The following USP32 variants were observed in gnomAD, a reference collection of about 807,000 sequenced individuals.
USP32 encodes the protein ubiquitin specific peptidase 32, also known as ubiquitin carboxyl-terminal hydrolase 32.
Under a neutral mutation model 204.8 loss-of-function variants are expected in USP32, and 59 were observed. The ratio of observed to expected loss-of-function variants is 0.29; its 90% CI spans 0.23 to 0.36. The LOEUF (loss-of-function observed/expected upper bound fraction) is 0.36, where lower values mean the gene tolerates loss of function less well. Ranked by LOEUF, USP32 falls within the 10% of genes least tolerant of loss-of-function variation. The pLI, the probability that USP32 is intolerant of heterozygous loss-of-function variation, is 1.00. For missense variants in USP32, 1,160 were observed against 1,946.4 expected, an observed-to-expected ratio of 0.60 and a Z score of 7.60; for synonymous variants, 517 against 678.4, an observed-to-expected ratio of 0.76 and a Z score of 3.70.
At chr17:60,334,395 T>A (rs1438270970) in intron 2 of USP32, among the ~76,000 whole-genome samples, 1 of 152,282 alleles carries the variant, frequency 6.6e-6, no homozygotes, top group Non-Finnish European at 1.5e-5. Flanking sequence ...TCACAACATA[T>A]CTCTCTCAAT....
chr17:60,321,878 T>C (rs1048985491), intron 2 of USP32, among the ~76,000 whole-genome samples: 3 of 152,144 alleles, frequency 2.0e-5, no homozygotes, highest in Non-Finnish European at 4.4e-5. Flanking sequence ...TGGCTTTTTT[T>C]TTTTTTTAGC....
At chr17:60,357,312 G>T (rs7223100) in intron 1 of USP32, among the ~76,000 whole-genome samples, 1 of 151,570 alleles carries the variant, frequency 6.6e-6, no homozygotes, top group Non-Finnish European at 1.5e-5. Flanking sequence ...AATTAGGCAG[G>T]CATGGTGATA....
intron 1 of USP32, among the ~76,000 whole-genome samples, chr17:60,400,013 G>A (rs765950688): frequency 3.9e-5 from 6 of 152,052 alleles, no homozygotes; most frequent in Non-Finnish European, 8.8e-5. Context: ...TGTTGACCCT[G>A]GAGTGCAGTA....
intron 12 of USP32, among the ~76,000 whole-genome samples, chr17:60,228,649 C>G (rs1368430278): frequency 6.6e-6 from 1 of 150,710 alleles, no homozygotes; most frequent in Non-Finnish European, 1.5e-5. Flanking sequence ...TAGATCCCGT[C>G]TTTACAAAAA....
chr17:60,418,937 A>G (rs1468792798), intron 1 of USP32, among the ~76,000 whole-genome samples: 3 of 152,246 alleles, frequency 2.0e-5, no homozygotes, highest in Non-Finnish European at 4.4e-5. Context: ...TAGTTCAACC[A>G]TAGCGGAAAG....
At chr17:60,284,357 G>A (rs1356913061) in intron 5 of USP32, among the ~76,000 whole-genome samples, 1 of 151,696 alleles carries the variant, frequency 6.6e-6, no homozygotes, top group African/African-American at 2.4e-5. Context: ...GGGACTACAG[G>A]GGTCTGCCAC....
In USP32 at chr17:60,264,063, A is replaced by G. The variant is rs528203713; in HGVS notation, c.990+1349T>C. ...CATAGACATCATAGTAATGCAAGCT[A>G]TAGGAGTAAATCTATTATGATAACA... is the stretch of plus-strand genomic sequence containing the variant. On this transcript the variant is annotated intron_variant, in intron 9 of 33. Transcript: ENST00000300896. 2.0e-5 allele frequency among the ~76,000 whole-genome samples: 3 copies of G among 152,312 alleles called. No homozygotes were observed. The South Asian group carries it at 6.2e-4, about 32-fold the overall frequency.
chr17:60,343,756 G>C (rs559521428), intron 2 of USP32, among the ~76,000 whole-genome samples: 1 of 152,230 alleles, frequency 6.6e-6, no homozygotes, highest in African/African-American at 2.4e-5. Flanking sequence ...AGAAGGCCAG[G>C]CATGGTGGCT....
At chr17:60,358,630 T>C (rs1164436226) in intron 1 of USP32, among the ~76,000 whole-genome samples, 3 of 152,076 alleles carry the variant, frequency 2.0e-5, no homozygotes, top group Non-Finnish European at 4.4e-5. Flanking sequence ...TTCAAGAATA[T>C]AAAAGACCAC....
At chr17:60,321,871 C>CTT (rs61115566) in intron 2 of USP32, among the ~76,000 whole-genome samples, 1 of 139,884 alleles carries the variant, frequency 7.1e-6, no homozygotes, top group Non-Finnish European at 1.6e-5. Context: ...AATCAGATGG[C>CTT]TTTTTTTTTT....
intron 27 of USP32, among the ~76,000 whole-genome samples, chr17:60,197,806 T>C (rs1164847586): frequency 6.6e-6 from 1 of 152,098 alleles, no homozygotes; most frequent in Non-Finnish European, 1.5e-5. Flanking sequence ...TAAAATGACA[T>C]GGTAAGGGAA....
intron 1 of USP32, among the ~76,000 whole-genome samples, chr17:60,399,039 G>A (rs545462659): frequency 6.6e-6 from 1 of 152,142 alleles, no homozygotes; most frequent in East Asian, 1.9e-4. Context: ...GGATGTTATG[G>A]GAACCTAGAG....
At chr17:60,247,338 C>T (rs7218064) in intron 11 of USP32, among the ~76,000 whole-genome samples, 18,442 of 151,804 alleles carry the variant, frequency 0.12, 2,258 homozygotes, top group African/African-American at 0.31. Flanking sequence ...TGCCACCATA[C>T]CCAACTAGTT....
chr17:60,284,112 C>G (rs1282367095), intron 5 of USP32, among the ~76,000 whole-genome samples: 1 of 150,860 alleles, frequency 6.6e-6, no homozygotes, highest in African/African-American at 2.4e-5. Context: ...GTACATGAAA[C>G]TAAAAAGAAA....
Position 60,301,590 on chromosome 17 carries a change from A to C in USP32, c.292+9T>G. The C allele has an allele frequency of 6.6e-7, 1 of 1,522,352 alleles. No individual in the cohort carries two copies. The highest frequency in any genetic ancestry group is 8.9e-7 in the Non-Finnish European group (1 of 1,124,160). The allele number at this position is 1,522,352 out of a possible 1,614,324, so 94.3% of individuals were successfully genotyped here. ...GACGAATTATTTTTGAGATAATAAAAGTACTTACATTTTGCTTTCTCTTCA... is the reference window on the plus strand; with the variant it reads ...GACGAATTATTTTTGAGATAATAAACGTACTTACATTTTGCTTTCTCTTCA... On this transcript the variant is annotated intron_variant, in intron 3 of 33. Coordinates refer to ENST00000300896, the MANE Select transcript of USP32 (RefSeq NM_032582.4).
chr17:60,384,589 G>C (rs2089697577), intron 1 of USP32, among the ~76,000 whole-genome samples: 1 of 151,992 alleles, frequency 6.6e-6, no homozygotes, highest in Non-Finnish European at 1.5e-5. Flanking sequence ...GTCGGGAGTT[G>C]GAGAACAGCC....
Position 60,391,981 on chromosome 17 carries a change from G to GCCCCCCCCCCCCCCC in USP32, c.-43_-42insGGGGGGGGGGGGGGG. ...CGGCGGGGGGTCGGAGCCTGATCTC[G>GCCCCCCCCCCCCCCC]CCCCCACCCCCCTCCCGCCTTCTCC... On this transcript the variant is annotated 5_prime_UTR_variant, in exon 1 of 34. Coordinates refer to ENST00000300896, the MANE Select transcript of USP32 (RefSeq NM_032582.4). The GCCCCCCCCCCCCCCC allele has an allele frequency of 6.3e-7, 1 of 1,585,550 alleles. No homozygotes were observed.
chr17:60,331,919 TTAA>T (rs2088395042), intron 2 of USP32, among the ~76,000 whole-genome samples: 1 of 142,036 alleles, frequency 7.0e-6, no homozygotes, highest in Middle Eastern at 4.0e-3. Context: ...AAAATAAACT[TTAA>T]TATTAAAAAA....
At chr17:60,348,101 A>G (rs1466256215) in intron 1 of USP32, among the ~76,000 whole-genome samples, 13 of 151,748 alleles carry the variant, frequency 8.6e-5, no homozygotes, top group African/African-American at 2.7e-4. Flanking sequence ...CAGCCTGGGC[A>G]ACAGAGCGAG....
Sources: allele counts gnomAD v4.1 joint callset (sites outside exome capture counted in the v4.1 genomes callset), GRCh38; gene constraint gnomAD v4.1.1; transcripts MANE v1.5; gene names NCBI Gene and HGNC (gene_info 2026-07-23, HGNC 2026-07-21).